The following GLIS1 variants were observed in gnomAD, a reference collection of about 807,000 sequenced individuals.
GLIS1 encodes zinc finger protein GLIS1.
In GLIS1, 24 loss-of-function variants were observed where a neutral mutation model predicts 63.8. That is an observed-to-expected ratio of 0.38 (90% CI 0.27 to 0.53). GLIS1 has a LOEUF of 0.53. Ranked by LOEUF, GLIS1 falls within the 20% of genes least tolerant of loss-of-function variation. The pLI is 0.85. For missense variants in GLIS1, 1,036 were observed against 1,074.1 expected (o/e 0.96, Z 0.50); for synonymous variants, 450 against 482.5 (o/e 0.93, Z 0.88).
chr1:53,718,515 T>A (rs550983966), intron 2 of GLIS1, among the ~76,000 whole-genome samples: 1 of 152,030 alleles, frequency 6.6e-6, no homozygotes, highest in African/African-American at 2.4e-5. Flanking sequence ...AAACAAAAAA[T>A]TGTACTAGAA....
At chr1:53,508,865 A>G (rs1471649420) in intron 10 of GLIS1, among the ~76,000 whole-genome samples, 1 of 152,270 alleles carries the variant, frequency 6.6e-6, no homozygotes, top group Non-Finnish European at 1.5e-5. Flanking sequence ...CCGATTCTTC[A>G]GAAACCTGCC....
chr1:53,576,024 C>A (rs1645028850), intron 4 of GLIS1, among the ~76,000 whole-genome samples: 1 of 152,132 alleles, frequency 6.6e-6, no homozygotes, highest in Admixed American at 6.5e-5. Flanking sequence ...TAGCAAAACA[C>A]CCTCAGAGGA....
In GLIS1 at chr1:53,529,731, T is replaced by G. The variant is rs116526511; in HGVS notation, c.1482+60A>C. The G allele has an allele frequency of 5.2e-4, 804 of 1,543,178 alleles. 5 individuals carry two copies. In the African/African-American group the frequency reaches 9.3e-3, roughly 18 times the overall value. On this transcript the variant is annotated intron_variant, in intron 5 of 10. Transcript: ENST00000628545. ...GGTAAGGCAGGGGCTCTGCACTGAA[T>G]GAGTGGCAGGTGTGTGGCCATCCTC...
chr1:53,586,979 C>T (rs1645142695), intron 4 of GLIS1, among the ~76,000 whole-genome samples: 9 of 152,026 alleles, frequency 5.9e-5, no homozygotes, highest in Admixed American at 5.2e-4. Context: ...TTACACACAG[C>T]GCAACACATG....
intron 2 of GLIS1, 74 bp downstream of exon 2, chr1:53,737,732 A>G (rs572048533): frequency 1.9e-4 from 236 of 1,218,894 alleles, no homozygotes; most frequent in Middle Eastern, 6.3e-4. Flanking sequence ...AGCTCTCCCG[A>G]GCACGCGGTG....
intron 3 of GLIS1, among the ~76,000 whole-genome samples, chr1:53,599,699 C>G (rs10157012): frequency 0.041 from 6,173 of 152,322 alleles, 428 homozygotes; most frequent in African/African-American, 0.14. Context: ...AGCTACCCAG[C>G]AGGGCTCTGT....
rs11809849 is a variant in GLIS1, at chr1:53,654,689, G to A, written c.260-54411C>T. Among the ~76,000 whole-genome samples, 5 of 152,120 alleles carry A rather than the reference G, an allele frequency of 3.3e-5. No homozygotes were observed. The East Asian group carries it at 5.8e-4, about 18-fold the overall frequency. On this transcript the variant is annotated intron_variant, in intron 2 of 10. Coordinates refer to ENST00000628545, the MANE Select transcript of GLIS1 (RefSeq NM_001367484.1). ...TGAGACACATCAGGGAGGAGGGAGC[G>A]AGCCCTGGCAAATGCACTGAGGGTC...
chr1:53,580,567 T>C (rs1013693426), intron 4 of GLIS1, among the ~76,000 whole-genome samples: 7 of 151,868 alleles, frequency 4.6e-5, no homozygotes, highest in Non-Finnish European at 1.0e-4. Flanking sequence ...AAAAGAGGAG[T>C]CATCGCTGAT....
chr1:53,716,235 A>G (rs1646697091), intron 2 of GLIS1, among the ~76,000 whole-genome samples: 1 of 152,186 alleles, frequency 6.6e-6, no homozygotes, highest in Non-Finnish European at 1.5e-5. Context: ...AGACAGCTAC[A>G]GGTGGTTCGA....
Position 53,514,777 on chromosome 1 carries a change from C to T in GLIS1, c.1731G>A (p.Val577=). ...CGLGQELLPG[V]YPGSITPHNG... The stretch of plus-strand genomic sequence containing the variant: ...TATGGGGGGTGATGGAGCCAGGATA[C>T]ACACCTGCAGGGAATCAAACAAGGC... Residue 577 remains valine, a synonymous_variant, in exon 8 of 11, where the codon GTG becomes GTA. Coordinates refer to ENST00000628545, the MANE Select transcript of GLIS1 (RefSeq NM_001367484.1). 3 of 1,589,822 alleles carry T rather than the reference C, an allele frequency of 1.9e-6. No homozygotes were observed. Among genetic ancestry groups the T allele is most frequent in the Non-Finnish European group, 2.6e-6 (3 of 1,168,358 alleles).
At chr1:53,650,793 G>A (rs1314136998) in intron 2 of GLIS1, among the ~76,000 whole-genome samples, 1 of 152,214 alleles carries the variant, frequency 6.6e-6, no homozygotes, top group Admixed American at 6.5e-5. Context: ...CGCTCCCCCA[G>A]TCCTGGGATC....
intron 3 of GLIS1, among the ~76,000 whole-genome samples, chr1:53,597,942 G>C (rs2100543299): frequency 6.6e-6 from 1 of 152,180 alleles, no homozygotes; most frequent in Non-Finnish European, 1.5e-5. Context: ...GCTTTTCCTA[G>C]GTTAGCACAG....
At chr1:53,532,591 G>A (rs139754279) in intron 4 of GLIS1, among the ~76,000 whole-genome samples, 34 of 152,360 alleles carry the variant, frequency 2.2e-4, no homozygotes, top group Non-Finnish European at 4.3e-4. Flanking sequence ...TCCCTTGCTC[G>A]CCTGCAATGG....
chr1:53,663,318 T>A (rs77599337), intron 2 of GLIS1, among the ~76,000 whole-genome samples: 13 of 152,368 alleles, frequency 8.5e-5, no homozygotes, highest in African/African-American at 3.1e-4. Context: ...TGAGTTCTGA[T>A]TACACGGAAG....
intron 4 of GLIS1, among the ~76,000 whole-genome samples, chr1:53,559,737 G>A (rs1009754140): frequency 1.3e-5 from 2 of 152,100 alleles, no homozygotes; most frequent in Admixed American, 1.3e-4. Flanking sequence ...CACCCGCCAT[G>A]CACGGGAGGG....
At chr1:53,628,766 G>A (rs773200238) in intron 2 of GLIS1, among the ~76,000 whole-genome samples, 3 of 152,148 alleles carry the variant, frequency 2.0e-5, no homozygotes, top group Non-Finnish European at 4.4e-5. Flanking sequence ...CAAAACCACA[G>A]GGTGGAGACG....
intron 2 of GLIS1, among the ~76,000 whole-genome samples, chr1:53,677,115 G>A (rs752678449): frequency 1.3e-5 from 2 of 152,318 alleles, no homozygotes; most frequent in African/African-American, 2.4e-5. Flanking sequence ...GGATGACGCC[G>A]GCCTACAGCT....
rs141338570 is a variant in GLIS1 at position 53,723,930 on chromosome 1, T to C, written c.259+13876A>G. 5.1e-4 allele frequency among the ~76,000 whole-genome samples: 77 copies of C among 152,272 alleles called. 1 individual carries two copies. In the East Asian group the frequency reaches 0.014, roughly 28 times the overall value. On this transcript the variant is annotated intron_variant, in intron 2 of 10. Coordinates refer to ENST00000628545, the MANE Select transcript of GLIS1 (RefSeq NM_001367484.1). ...TCAGGGCACTGTCAGCATGTTTCCATTTCCAGGGGTGAGCTGGCTCTGGGT... is the reference window on the plus strand; with the variant it reads ...TCAGGGCACTGTCAGCATGTTTCCACTTCCAGGGGTGAGCTGGCTCTGGGT...
chr1:53,525,548 C>G (rs1644459326), intron 5 of GLIS1, among the ~76,000 whole-genome samples: 2 of 139,984 alleles, frequency 1.4e-5, no homozygotes, highest in South Asian at 5.3e-4. Context: ...CTCAGGCCCC[C>G]ATGGCTCACC....
Sources: allele counts gnomAD v4.1 joint callset (sites outside exome capture counted in the v4.1 genomes callset), GRCh38; gene constraint gnomAD v4.1.1; transcripts MANE v1.5; gene names NCBI Gene and HGNC (gene_info 2026-07-23, HGNC 2026-07-21).